TMEM132A: variants seen among roughly 807,000 people sequenced by gnomAD.
TMEM132A encodes the protein GRP78-binding protein.
In TMEM132A, 48 loss-of-function variants were observed where a neutral mutation model predicts 69.9. That is an observed-to-expected ratio of 0.69 (90% CI 0.55 to 0.87). The LOEUF is 0.87. TMEM132A is among the 40% of genes least tolerant of loss of function. The pLI is 0.00. For synonymous variants in TMEM132A, 577 were observed against 613.7 expected (o/e 0.94, Z 0.88); for missense variants, 1,287 against 1,407.2 (o/e 0.91, Z 1.37).
At chr11:60,932,320 C>G (rs561021222) in intron 7 of TMEM132A, 193 bp downstream of exon 7, 13 of 612,966 alleles carry the variant, frequency 2.1e-5, no homozygotes, top group Non-Finnish European at 2.8e-5. Context: ...GTAACCCTAA[C>G]AGCCCCCCGA....
chr11:60,933,600 G>A lies in TMEM132A; in HGVS notation c.1415G>A (p.Gly472Glu), dbSNP rs1856523992. The change falls in exon 8 of 11, where the codon GGG (glycine) becomes GAG (glutamate). Residue 472 changes from glycine to glutamate, a missense_variant. Gly to Glu is a moderately conservative substitution (Grantham distance 98). Coordinates refer to ENST00000453848, the MANE Select transcript of TMEM132A (RefSeq NM_178031.3). ...GGCAAGGAGAGCCGGGGCGCCCGGG[G>A]GGTGCGAGTGGACTTCTGGTGGCGC... Reference protein sequence around the residue: ...VAGKESRGARGVRVDFWWRRL... With the variant: ...VAGKESRGAREVRVDFWWRRL... 3 of 1,607,194 alleles carry A rather than the reference G, an allele frequency of 1.9e-6. No homozygotes were observed. Among genetic ancestry groups the A allele is most frequent in the Non-Finnish European group, 2.5e-6 (3 of 1,179,292 alleles).
Position 60,931,995 on chromosome 11 carries a change from G to A in TMEM132A, c.1224G>A (p.Leu408=). The A allele has an allele frequency of 1.2e-5, 19 of 1,607,402 alleles. No individual in the cohort carries two copies. The highest frequency in any genetic ancestry group is 1.6e-5 in the Non-Finnish European group (19 of 1,176,906). The change falls in exon 7 of 11, where the codon CTG becomes CTA. Residue 408 remains leucine (L), a synonymous_variant. Transcript: ENST00000453848. ...ALIPLAKAEE[L]VNTAPLTGVP... is the part of the protein sequence containing the mutation. ...TCCTCCACCCCCAGGCTGAGGAGCT[G>A]GTGAATACAGCACCACTGACTGGAG...
At chr11:60,931,572 C>A in intron 5 of TMEM132A, 117 bp from the exon 6 acceptor site, 1 of 1,045,868 alleles carries the variant, frequency 9.6e-7, no homozygotes, top group Non-Finnish European at 1.4e-6. Context: ...AGCTATGTAA[C>A]CTCTGTGCCT....
At chr11:60,932,949 C>T (rs952996419) in intron 7 of TMEM132A, 1 of 152,272 alleles carries the variant, frequency 6.6e-6, no homozygotes, top group Non-Finnish European at 1.5e-5. Context: ...GTTTTGGGTT[C>T]ACACCCCTGC....
Position 60,936,326 on chromosome 11 carries a change from G to A in TMEM132A, c.2491G>A (p.Glu831Lys), listed in dbSNP as rs368594602. ...EETEAREEEEEEEEEMVPAPQ... is the reference protein window; with the variant it reads ...EETEAREEEEKEEEEMVPAPQ... ...GACCGAAGCCAGGGAGGAGGAGGAG[G>A]AAGAGGAGGAGGAGATGGTCCCTGC... Residue 831 changes from glutamate (E) to lysine (K), a missense_variant, in exon 11 of 11, where the codon GAA (glutamate) becomes AAA (lysine). Coordinates refer to ENST00000453848, the MANE Select transcript of TMEM132A (RefSeq NM_178031.3). The A allele has an allele frequency of 6.2e-6, 10 of 1,613,728 alleles. No individual in the cohort carries two copies. In the South Asian group the frequency reaches 1.1e-4, roughly 18 times the overall value.
rs1856616845 is a variant in TMEM132A at position 60,936,794 on chromosome 11, C to G, written c.2959C>G (p.Gln987Glu). The change falls in exon 11 of 11, where the codon CAG (glutamine) becomes GAG (glutamate). Residue 987 changes from glutamine to glutamate, a missense_variant. Transcript: ENST00000453848. ...GGAGCCTGTAGGGGCCCCTGCTGTG[C>G]AGTCCATCCTTGTGGCAGGCGAGGA... is the stretch of plus-strand genomic sequence containing the variant. The part of the protein sequence containing the change: ...PEEPVGAPAV[Q>E]SILVAGEEDI... The G allele has an allele frequency of 1.2e-6, 2 of 1,613,342 alleles. No homozygotes were observed. The highest frequency in any genetic ancestry group is 1.7e-6 in the Non-Finnish European group (2 of 1,179,748).
rs1314490080 is a variant in TMEM132A at position 60,936,464 on chromosome 11, C to T, written c.2629C>T (p.Arg877Cys). Residue 877 changes from arginine (R) to cysteine (C), a missense_variant, in exon 11 of 11, where the codon CGC becomes TGC. By Grantham distance (180) the Arg-to-Cys change is radical. Coordinates refer to ENST00000453848, the MANE Select transcript of TMEM132A (RefSeq NM_178031.3). ...TGTGGTCTTCGTCCTGCGCTATCAG[C>T]GCAAAGAACCTCCCGACAGTGCCAC... ...NGVVFVLRYQRKEPPDSATDP... is the reference protein window; with the variant it reads ...NGVVFVLRYQCKEPPDSATDP... 4 of 1,614,188 alleles carry T rather than the reference C, an allele frequency of 2.5e-6. No homozygotes were observed. The highest frequency in any genetic ancestry group is 1.7e-5 in the Admixed American group (1 of 60,032).
intron 9 of TMEM132A, 118 bp downstream of exon 9, chr11:60,934,882 C>A: frequency 9.0e-7 from 1 of 1,106,174 alleles, no homozygotes; most frequent in Non-Finnish European, 1.3e-6. Context: ...GGGAGTTGTG[C>A]GGTCTAGGTC....
intron 9 of TMEM132A, 96 bp downstream of exon 9, chr11:60,934,860 C>A: frequency 7.5e-7 from 1 of 1,336,670 alleles, no homozygotes; most frequent in Non-Finnish European, 1.0e-6. Flanking sequence ...GCCAGGAGCC[C>A]AGAGTGTGTG....
chr11:60,931,070 A>C (rs1856470571), intron 5 of TMEM132A, among the ~76,000 whole-genome samples: 1 of 152,194 alleles, frequency 6.6e-6, no homozygotes, highest in African/African-American at 2.4e-5. Flanking sequence ...GCCTGGGTCA[A>C]GGCCATGGAC....
At chr11:60,930,070 G>A (rs1020639361) in intron 4 of TMEM132A, among the ~76,000 whole-genome samples, 4 of 152,262 alleles carry the variant, frequency 2.6e-5, no homozygotes, top group Admixed American at 2.0e-4. Context: ...GAAATGGTCT[G>A]TGAGTTGTTG....
rs778257690 is a variant in TMEM132A, at chr11:60,930,614, C to G, written c.971C>G (p.Thr324Ser). ...TTCAAGGGCTCCAGGCACCACACCA[C>G]CCTCATCACCTGCCACCGTGCTGGG... ...DRFKGSRHHT[T>S]LITCHRAGLT... Residue 324 changes from threonine (T) to serine (S), a missense_variant, in exon 5 of 11, where the codon ACC (threonine) becomes AGC (serine). Transcript: ENST00000453848. 6 of 1,613,512 alleles carry G rather than the reference C, an allele frequency of 3.7e-6. No homozygotes were observed. Among genetic ancestry groups the G allele is most frequent in the Non-Finnish European group, 5.1e-6 (6 of 1,179,806 alleles).
At position 60,935,676 on chromosome 11, in the gene TMEM132A, G is replaced by T. The variant is rs574300393; in HGVS notation, c.2029-188G>T. ...AACTGAGGACCCTCCCAATAACTCAGACCCTAGGGCTGAGTGGCAGACAGG... is the reference window on the plus strand; with the variant it reads ...AACTGAGGACCCTCCCAATAACTCATACCCTAGGGCTGAGTGGCAGACAGG... On this transcript the variant is annotated intron_variant, in intron 10 of 10. Coordinates refer to ENST00000453848, the MANE Select transcript of TMEM132A (RefSeq NM_178031.3). This position sits in a 1 kb window ranked among gnomAD's most constrained non-coding sequence, Gnocchi z 5.0. The T allele has an allele frequency of 7.4e-6, 6 of 806,110 alleles. No homozygotes were observed. Among genetic ancestry groups the T allele is most frequent in the Middle Eastern group, 3.7e-4 (1 of 2,680 alleles). The allele number at this position is 806,110 out of a possible 1,614,324, so 49.9% of individuals were successfully genotyped here.
Position 60,933,603 on chromosome 11 carries a change from T to C in TMEM132A, c.1418T>C (p.Val473Ala). ...AAGGAGAGCCGGGGCGCCCGGGGGG[T>C]GCGAGTGGACTTCTGGTGGCGCCGG... ...AGKESRGARG[V>A]RVDFWWRRLR... Residue 473 changes from valine to alanine, a missense_variant, in exon 8 of 11, where the codon GTG (valine) becomes GCG (alanine). Coordinates refer to ENST00000453848, the MANE Select transcript of TMEM132A (RefSeq NM_178031.3). 6.2e-7 allele frequency: 1 copy of C among 1,605,868 alleles called. No individual in the cohort carries two copies. The highest frequency in any genetic ancestry group is 8.5e-7 in the Non-Finnish European group (1 of 1,179,108).
Position 60,936,537 on chromosome 11 carries a change from A to G in TMEM132A, c.2702A>G (p.Asp901Gly), listed in dbSNP as rs1179343837. 6 of 1,613,026 alleles carry G rather than the reference A, an allele frequency of 3.7e-6. No homozygotes were observed. Among genetic ancestry groups the G allele is most frequent in the South Asian group, 1.1e-5 (1 of 91,068 alleles). Residue 901 changes from aspartate to glycine, a missense_variant, in exon 11 of 11, where the codon GAC becomes GGC. Physicochemically the swap from Asp to Gly is moderately conservative, Grantham distance 94. Coordinates refer to ENST00000453848, the MANE Select transcript of TMEM132A (RefSeq NM_178031.3). ...QPHNWVWLGT[D>G]QEELSRQLDR... ...CACAACTGGGTCTGGCTGGGCACTG[A>G]CCAGGAGGAACTGAGCCGCCAGCTG... is the stretch of plus-strand genomic sequence containing the variant.
Position 60,936,340 on chromosome 11 carries a change from G to T in TMEM132A, c.2505G>T (p.Glu835Asp). Residue 835 changes from glutamate to aspartate, a missense_variant, in exon 11 of 11, where the codon GAG becomes GAT. Glu to Asp is a conservative substitution (Grantham distance 45). Coordinates refer to ENST00000453848, the MANE Select transcript of TMEM132A (RefSeq NM_178031.3). ...AREEEEEEEE[E>D]MVPAPQHVTE... is the part of the protein sequence containing the mutation. ...AGGAGGAGGAGGAAGAGGAGGAGGA[G>T]ATGGTCCCTGCCCCTCAGCATGTCA... 6.2e-7 allele frequency: 1 copy of T among 1,614,146 alleles called. No homozygotes were observed. Among genetic ancestry groups the T allele is most frequent in the African/African-American group, 1.3e-5 (1 of 75,062 alleles).
rs1323267189 is a variant in TMEM132A, at chr11:60,933,635, G to A, written c.1450G>A (p.Ala484Thr). ...GGACTTCTGGTGGCGCCGGCTCCGC[G>A]CCTCGCTGCGGCTGACCGTGTGGGC... ...RVDFWWRRLRASLRLTVWAPL... is the reference protein window; with the variant it reads ...RVDFWWRRLRTSLRLTVWAPL... Residue 484 changes from alanine (A) to threonine (T), a missense_variant, in exon 8 of 11, where the codon GCC (alanine) becomes ACC (threonine). By Grantham distance (58) the Ala-to-Thr change is moderately conservative. Transcript: ENST00000453848. The A allele has an allele frequency of 5.6e-6, 9 of 1,605,446 alleles. No individual in the cohort carries two copies. Among genetic ancestry groups the A allele is most frequent in the African/African-American group, 4.0e-5 (3 of 74,950 alleles).
At position 60,933,601 on chromosome 11, in the gene TMEM132A, G is replaced by T; in HGVS notation, c.1416G>T (p.Gly472=). 6.2e-7 allele frequency: 1 copy of T among 1,607,158 alleles called. No homozygotes were observed. The highest frequency in any genetic ancestry group is 8.5e-7 in the Non-Finnish European group (1 of 1,179,284). ...VAGKESRGAR[G]VRVDFWWRRL... ...GCAAGGAGAGCCGGGGCGCCCGGGG[G>T]GTGCGAGTGGACTTCTGGTGGCGCC... Residue 472 remains glycine, a synonymous_variant, in exon 8 of 11, where the codon GGG becomes GGT. Coordinates refer to ENST00000453848, the MANE Select transcript of TMEM132A (RefSeq NM_178031.3).
intron 8 of TMEM132A, chr11:60,934,096 G>T: frequency 2.6e-6 from 1 of 383,730 alleles, no homozygotes; most frequent in Non-Finnish European, 4.6e-6. Flanking sequence ...TACCCTCAGA[G>T]CCTAAGATGA....
Sources: allele counts gnomAD v4.1 joint callset (sites outside exome capture counted in the v4.1 genomes callset), GRCh38; gene constraint gnomAD v4.1.1; non-coding constraint Gnocchi (gnomAD v3.1); transcripts MANE v1.5; gene names NCBI Gene and HGNC (gene_info 2026-07-23, HGNC 2026-07-21).